The following NEDD4 variants were observed in gnomAD, a reference collection of about 807,000 sequenced individuals.
The protein encoded by NEDD4 is NEDD4 E3 ubiquitin protein ligase.
NEDD4 carries 99 observed loss-of-function variants against 144.9 expected under a neutral mutation model. The observed-to-expected ratio is 0.68, with a 90% confidence interval of 0.58 to 0.81. The LOEUF (loss-of-function observed/expected upper bound fraction) is 0.81, where lower values mean the gene tolerates loss of function less well. NEDD4 is among the 30% of genes least tolerant of loss of function. The probability of loss-of-function intolerance (pLI) is 0.00; values close to 1 mark genes in which losing one functional copy is unlikely to be tolerated. For synonymous variants in NEDD4, 318 were observed against 350.6 expected (o/e 0.91, Z 1.04); for missense variants, 985 against 1,065.9 (o/e 0.92, Z 1.06).
rs188669610 is a variant in NEDD4, at chr15:55,915,573, G to T, written c.291+9073C>A. The stretch of plus-strand genomic sequence containing the variant: ...ATTTTGGGAGGATGGCAAACATGCA[G>T]ATGTCCTATGCATGAGCTTAATATA... On this transcript the variant is annotated intron_variant, in intron 5 of 28. Coordinates refer to ENST00000435532, the MANE Select transcript of NEDD4 (RefSeq NM_006154.4). 2.9e-5 allele frequency: 46 copies of T among 1,613,928 alleles called. No individual in the cohort carries two copies. The Admixed American group carries it at 6.2e-4, about 22-fold the overall frequency.
At chr15:55,923,987 G>A (rs1223398798) in intron 5 of NEDD4, among the ~76,000 whole-genome samples, 4 of 152,114 alleles carry the variant, frequency 2.6e-5, no homozygotes, top group African/African-American at 9.7e-5. Context: ...GATGTAAGAT[G>A]CTAAGATGAG....
intron 1 of NEDD4, among the ~76,000 whole-genome samples, chr15:55,983,006 C>T (rs1196056038): frequency 6.6e-6 from 1 of 151,976 alleles, no homozygotes; most frequent in Admixed American, 6.6e-5. Context: ...CCTGTAATCC[C>T]AGCTACTCGG....
intron 5 of NEDD4, among the ~76,000 whole-genome samples, chr15:55,891,281 AAGTC>A (rs2035564086): frequency 6.6e-6 from 1 of 152,216 alleles, no homozygotes; most frequent in South Asian, 2.1e-4. Context: ...TCCAAACTAA[AAGTC>A]AATATGCATA....
chr15:55,856,622 G>A (rs1049102538), intron 11 of NEDD4, among the ~76,000 whole-genome samples: 1 of 152,122 alleles, frequency 6.6e-6, no homozygotes, highest in African/African-American at 2.4e-5. Flanking sequence ...CAGGCTCAGA[G>A]CATCCTGCAA....
chr15:55,961,435 T>C (rs553602302), intron 2 of NEDD4, among the ~76,000 whole-genome samples: 1 of 152,190 alleles, frequency 6.6e-6, no homozygotes, highest in Admixed American at 6.5e-5. Flanking sequence ...AGACAATAAA[T>C]GTACGTTCTT....
chr15:55,967,513 G>A (rs1043598854), intron 1 of NEDD4, among the ~76,000 whole-genome samples: 9 of 149,144 alleles, frequency 6.0e-5, no homozygotes, highest in African/African-American at 9.9e-5. Context: ...TAAGCGAAAC[G>A]TTACCAATTT....
chr15:55,976,850 G>T (rs1286967817), intron 1 of NEDD4, among the ~76,000 whole-genome samples: 1 of 151,958 alleles, frequency 6.6e-6, no homozygotes, highest in Non-Finnish European at 1.5e-5. Context: ...AGCAAGGATG[G>T]TCTCGATCTC....
chr15:55,883,882 CTTT>C (rs71110349), intron 5 of NEDD4, among the ~76,000 whole-genome samples: 7 of 140,956 alleles, frequency 5.0e-5, no homozygotes, highest in Admixed American at 1.4e-4. Context: ...AGTGGCACTT[CTTT>C]TTTTTTTTTT....
At chr15:55,897,198 C>A (rs1179910443) in intron 5 of NEDD4, among the ~76,000 whole-genome samples, 1 of 152,166 alleles carries the variant, frequency 6.6e-6, no homozygotes, top group Non-Finnish European at 1.5e-5. Context: ...TGGTCTCGAT[C>A]TCCTGACCTC....
chr15:55,974,051 G>A (rs988319759), intron 1 of NEDD4, among the ~76,000 whole-genome samples: 1 of 151,838 alleles, frequency 6.6e-6, no homozygotes, highest in Non-Finnish European at 1.5e-5. Context: ...AGGAGAGAAG[G>A]CCCAAATAAA....
chr15:55,936,403 CT>C (rs61408244), intron 4 of NEDD4, among the ~76,000 whole-genome samples: 217 of 151,828 alleles, frequency 1.4e-3, no homozygotes, highest in African/African-American at 4.8e-3. Context: ...TTTTTTCCCC[CT>C]ATCCATAAAA....
In NEDD4 at chr15:55,855,055, G is replaced by A. The variant is rs114421233; in HGVS notation, c.1026+1076C>T. 9.2e-3 allele frequency among the ~76,000 whole-genome samples: 1,397 copies of A among 152,230 alleles called. 32 individuals are homozygous for A. The highest frequency in any genetic ancestry group is 0.032 in the African/African-American group (1,338 of 41,532). Reference sequence around the variant, plus strand: ...GACAGTGAGTGAGAGTAAGGCTAGCGATGATAGTCTTTCAATGGCATCTGT... The same window carrying A: ...GACAGTGAGTGAGAGTAAGGCTAGCAATGATAGTCTTTCAATGGCATCTGT... On this transcript the variant is annotated intron_variant, in intron 12 of 28. Transcript: ENST00000435532.
rs1344433403 is a variant in NEDD4 at position 55,841,925 on chromosome 15, G to A, written c.1838+9C>T. 6.3e-7 allele frequency: 1 copy of A among 1,594,616 alleles called. No individual in the cohort carries two copies. The highest frequency in any genetic ancestry group is 2.2e-5 in the East Asian group (1 of 44,810). ...TTTTTCTGCCGATAATCATTGTAAA[G>A]GTACTTACGTAGCAGAATATTCAAA... On this transcript the variant is annotated intron_variant, in intron 19 of 28. Transcript: ENST00000435532.
intron 5 of NEDD4, among the ~76,000 whole-genome samples, chr15:55,890,020 A>T (rs1003704645): frequency 1.3e-5 from 2 of 152,134 alleles, no homozygotes; most frequent in East Asian, 1.9e-4. Flanking sequence ...ACATTTAAAA[A>T]TAACTAAAAG....
chr15:55,884,904 A>G (rs998868642), intron 5 of NEDD4, among the ~76,000 whole-genome samples: 15 of 152,348 alleles, frequency 9.8e-5, no homozygotes, highest in African/African-American at 3.6e-4. Flanking sequence ...ATAATAACAG[A>G]GAACTGTCCA....
At chr15:55,990,721 A>G (rs577283609) in intron 1 of NEDD4, among the ~76,000 whole-genome samples, 20 of 152,160 alleles carry the variant, frequency 1.3e-4, no homozygotes, top group Non-Finnish European at 2.8e-4. Flanking sequence ...TCCCACCTCC[A>G]TATCACAGGG....
chr15:55,960,702 C>A (rs939017051), intron 2 of NEDD4, among the ~76,000 whole-genome samples: 1 of 152,104 alleles, frequency 6.6e-6, no homozygotes, highest in Non-Finnish European at 1.5e-5. Flanking sequence ...CCCTAGAGAA[C>A]CCTAATACTG....
At chr15:55,971,914 T>C (rs1388259195) in intron 1 of NEDD4, among the ~76,000 whole-genome samples, 19 of 152,050 alleles carry the variant, frequency 1.2e-4, no homozygotes, top group Non-Finnish European at 2.5e-4. Flanking sequence ...GCAGCTCCAA[T>C]ACATCTGGCA....
At chr15:55,988,773 G>T (rs2037940618) in intron 1 of NEDD4, among the ~76,000 whole-genome samples, 1 of 152,052 alleles carries the variant, frequency 6.6e-6, no homozygotes, top group Admixed American at 6.5e-5. Context: ...AGATGATGGG[G>T]CATTGTGTCT....
Sources: gnomAD v4.1 joint callset for allele counts (sites outside exome capture counted in the v4.1 genomes callset) on GRCh38, gnomAD v4.1.1 for gene constraint, MANE v1.5 for transcripts, NCBI Gene and HGNC (gene_info 2026-07-23, HGNC 2026-07-21) for gene names.